The following PCDH15 variants were observed in gnomAD, a reference collection of about 807,000 sequenced individuals.
The protein encoded by PCDH15 is protocadherin-15.
PCDH15 carries 129 observed loss-of-function variants against 178.5 expected under a neutral mutation model. The ratio of observed to expected loss-of-function variants is 0.72; its 90% CI spans 0.63 to 0.84. The LOEUF is 0.84. Ranked by LOEUF, PCDH15 falls within the 40% of genes least tolerant of loss-of-function variation. PCDH15 has a pLI of 0.00. For missense variants in PCDH15, 2,230 were observed against 2,099.9 expected (o/e 1.06, Z -1.21); for synonymous variants, 800 against 732.0 (o/e 1.09, Z -1.50).
intron 2 of PCDH15, among the ~76,000 whole-genome samples, chr10:55,515,889 A>C (rs1841002689): frequency 6.6e-6 from 1 of 152,156 alleles, no homozygotes; most frequent in Non-Finnish European, 1.5e-5. Flanking sequence ...AAGAATTTTC[A>C]AAAATATACC....
intron 20 of PCDH15, among the ~76,000 whole-genome samples, chr10:54,007,793 G>A (rs2092435612): frequency 6.6e-6 from 1 of 152,044 alleles, no homozygotes; most frequent in South Asian, 2.1e-4. Context: ...TTATGTTTCT[G>A]CTCATTTTGA....
At chr10:53,823,103 G>T (rs141047017) in intron 32 of PCDH15, 3 of 1,613,910 alleles carry the variant, frequency 1.9e-6, no homozygotes, top group Non-Finnish European at 2.5e-6. Context: ...TCTGTGAAAT[G>T]TCTGAATTTG....
intron 2 of PCDH15, among the ~76,000 whole-genome samples, chr10:54,922,304 G>T (rs551742717): frequency 1.1e-4 from 17 of 152,232 alleles, no homozygotes; most frequent in African/African-American, 4.1e-4. Flanking sequence ...TTCAAAACAA[G>T]TTAGCTATTT....
At position 55,396,722 on chromosome 10, in the gene PCDH15, C is replaced by T. The variant is rs73255795; in HGVS notation, c.-155-230071G>A. Among the ~76,000 whole-genome samples, 1,411 of 152,174 alleles carry T rather than the reference C, an allele frequency of 9.3e-3. 26 individuals carry two copies. Among genetic ancestry groups the T allele is most frequent in the African/African-American group, 0.032 (1,346 of 41,522 alleles). ...CTTTGTACATGGTCAGCTTTGCACC[C>T]AGGATGAGAATTGTCAAAGATTTAT... On this transcript the variant is annotated intron_variant, in intron 2 of 5. Coordinates refer to the PCDH15 transcript ENST00000613346.
At chr10:54,977,882 G>A (rs568808076) in intron 2 of PCDH15, among the ~76,000 whole-genome samples, 2 of 152,178 alleles carry the variant, frequency 1.3e-5, no homozygotes, top group Admixed American at 6.6e-5. Context: ...AACATTGTAA[G>A]CATATAGCAC....
chr10:54,699,401 A>T (rs2135927647), intron 1 of PCDH15, among the ~76,000 whole-genome samples: 1 of 152,226 alleles, frequency 6.6e-6, no homozygotes, highest in East Asian at 1.9e-4. Flanking sequence ...AATTACCAAG[A>T]CCCTATCTTA....
At chr10:54,304,079 A>G (rs946549072) in intron 8 of PCDH15, among the ~76,000 whole-genome samples, 1 of 152,254 alleles carries the variant, frequency 6.6e-6, no homozygotes, top group Middle Eastern at 3.4e-3. Flanking sequence ...ACTTATCAGT[A>G]TAAATATTTA....
intron 3 of PCDH15, among the ~76,000 whole-genome samples, chr10:54,453,147 A>C (rs1258574405): frequency 1.3e-5 from 2 of 152,090 alleles, no homozygotes; most frequent in African/African-American, 4.8e-5. Flanking sequence ...CAGCCATCCC[A>C]TTACTGGGTA....
intron 15 of PCDH15, among the ~76,000 whole-genome samples, chr10:54,111,881 G>T (rs1590528073): frequency 6.7e-6 from 1 of 150,076 alleles, no homozygotes; most frequent in African/African-American, 2.5e-5. Flanking sequence ...AGTCCCAGCA[G>T]TTTGGGAGGC....
At chr10:54,570,919 G>A (rs547954950) in intron 2 of PCDH15, among the ~76,000 whole-genome samples, 6 of 150,376 alleles carry the variant, frequency 4.0e-5, no homozygotes, top group African/African-American at 7.3e-5. Flanking sequence ...ACCTGCCTCC[G>A]CCTCCCAAAG....
chr10:54,280,286 T>C (rs901370752), intron 8 of PCDH15, among the ~76,000 whole-genome samples: 11 of 151,134 alleles, frequency 7.3e-5, no homozygotes, highest in African/African-American at 2.7e-4. Context: ...TTCTAGTTTT[T>C]TTTTTTTTTT....
chr10:55,114,959 A>G (rs1837594980), intron 2 of PCDH15, among the ~76,000 whole-genome samples: 1 of 152,138 alleles, frequency 6.6e-6, no homozygotes, highest in African/African-American at 2.4e-5. Flanking sequence ...TAAAAAGACT[A>G]CATTTAAAAA....
At chr10:54,889,783 T>C (rs1244818239) in intron 3 of PCDH15, among the ~76,000 whole-genome samples, 2 of 151,756 alleles carry the variant, frequency 1.3e-5, no homozygotes, top group Non-Finnish European at 3.0e-5. Context: ...TAATCATTCT[T>C]ACATTCTTTA....
At chr10:54,902,221 T>A (rs537292233) in intron 2 of PCDH15, among the ~76,000 whole-genome samples, 2 of 152,292 alleles carry the variant, frequency 1.3e-5, no homozygotes, top group African/African-American at 4.8e-5. Flanking sequence ...TCATGTCAGA[T>A]AAAAAACAAA....
At chr10:54,452,150 C>G (rs2076518676) in intron 3 of PCDH15, among the ~76,000 whole-genome samples, 2 of 151,894 alleles carry the variant, frequency 1.3e-5, no homozygotes, top group African/African-American at 4.8e-5. Flanking sequence ...AACTCTTTTA[C>G]TAAAAATAAC....
chr10:55,335,887 G>A (rs1471270736), intron 2 of PCDH15, among the ~76,000 whole-genome samples: 3 of 151,968 alleles, frequency 2.0e-5, no homozygotes, highest in Non-Finnish European at 4.4e-5. Flanking sequence ...AAAAGCAGAC[G>A]CCTTAGTCTT....
At chr10:54,003,800 C>T (rs1237304075) in intron 20 of PCDH15, among the ~76,000 whole-genome samples, 1 of 118,996 alleles carries the variant, frequency 8.4e-6, no homozygotes, top group African/African-American at 3.2e-5. Flanking sequence ...TCTATAAAGA[C>T]AATAATACTG....
At chr10:53,925,978 C>T (rs16937833) in intron 25 of PCDH15, among the ~76,000 whole-genome samples, 1 of 152,130 alleles carries the variant, frequency 6.6e-6, no homozygotes, top group Non-Finnish European at 1.5e-5. Flanking sequence ...TCTTGAACAC[C>T]TTTGGAAGTC....
intron 11 of PCDH15, among the ~76,000 whole-genome samples, chr10:54,188,129 A>C (rs912990976): frequency 6.6e-6 from 1 of 151,914 alleles, no homozygotes; most frequent in Non-Finnish European, 1.5e-5. Flanking sequence ...AGGTTTGGTA[A>C]GAAACAATGT....
Sources: gnomAD v4.1 joint callset for allele counts (sites outside exome capture counted in the v4.1 genomes callset) on GRCh38, gnomAD v4.1.1 for gene constraint, MANE v1.5 for transcripts, NCBI Gene and HGNC (gene_info 2026-07-23, HGNC 2026-07-21) for gene names.